ULK4: variants seen among roughly 807,000 people sequenced by gnomAD.
The protein encoded by ULK4 is inactive serine/threonine-protein kinase ULK4.
ULK4 carries 133 observed loss-of-function variants against 160.6 expected under a neutral mutation model. That is an observed-to-expected ratio of 0.83 (90% CI 0.72 to 0.96). ULK4 has a LOEUF of 0.96. Ranked by LOEUF, ULK4 falls within the 40% of genes least tolerant of loss-of-function variation. The probability of loss-of-function intolerance (pLI) is 0.00; values close to 1 mark genes in which losing one functional copy is unlikely to be tolerated. For missense variants in ULK4, 1,580 were observed against 1,499.5 expected, an observed-to-expected ratio of 1.05 and a Z score of -0.89; for synonymous variants, 534 against 539.8, an observed-to-expected ratio of 0.99 and a Z score of 0.15.
At chr3:41,387,606 G>A (rs1188477437) in intron 35 of ULK4, among the ~76,000 whole-genome samples, 1 of 152,116 alleles carries the variant, frequency 6.6e-6, no homozygotes, top group African/African-American at 2.4e-5. Flanking sequence ...TCACACCTAT[G>A]AGTGAGAATA....
chr3:41,399,870 G>C (rs1031197100), intron 34 of ULK4, among the ~76,000 whole-genome samples: 1 of 152,152 alleles, frequency 6.6e-6, no homozygotes, highest in Admixed American at 6.6e-5. Flanking sequence ...CCTCCAAAGT[G>C]CTGAGAGTAC....
chr3:41,960,397 C>T (rs558589057), intron 1 of ULK4, among the ~76,000 whole-genome samples: 53 of 150,514 alleles, frequency 3.5e-4, no homozygotes, highest in Middle Eastern at 3.4e-3. Context: ...GGGTCTCACT[C>T]AGTGGCCCAG....
At chr3:41,935,619 C>T (rs1478727816) in intron 4 of ULK4, among the ~76,000 whole-genome samples, 182 bp downstream of exon 4, 1 of 152,084 alleles carries the variant, frequency 6.6e-6, no homozygotes, top group Non-Finnish European at 1.5e-5. Flanking sequence ...CCTCAGCCTC[C>T]CAAAGTGCTA....
In ULK4 at chr3:41,455,599, G is replaced by C. The variant is rs1484520188; in HGVS notation, c.3394-4C>G. 6 of 1,613,352 alleles carry C rather than the reference G, an allele frequency of 3.7e-6. No individual in the cohort carries two copies. In the African/African-American group the frequency reaches 6.7e-5, roughly 18 times the overall value. On this transcript the variant is annotated splice_polypyrimidine_tract_variant and splice_region_variant and intron_variant, in intron 33 of 36. Transcript: ENST00000301831. ...CTCCTGAGCCAGACTTCTGGGCCTG[G>C]AACAGAGAGAAGAGAAATGAAAGAC...
intron 33 of ULK4, 50 bp downstream of exon 33, chr3:41,463,037 G>T (rs986970326): frequency 6.4e-7 from 1 of 1,564,060 alleles, no homozygotes; most frequent in African/African-American, 1.4e-5. Flanking sequence ...TGAAAGGGAA[G>T]CATGAAATGG....
intron 2 of ULK4, among the ~76,000 whole-genome samples, chr3:41,953,285 C>CACATATATATAT (rs374288098): frequency 0.071 from 5,984 of 84,468 alleles, 284 homozygotes; most frequent in Admixed American, 0.11. Context: ...CATATATACA[C>CACATATATATAT]ATATATATAT....
At chr3:41,379,957 T>A (rs1234645359) in intron 35 of ULK4, among the ~76,000 whole-genome samples, 1 of 152,160 alleles carries the variant, frequency 6.6e-6, no homozygotes, top group African/African-American at 2.4e-5. Context: ...AGCCCAAGTC[T>A]TTAGGGGCAT....
chr3:41,771,775 G>A, intron 21 of ULK4, among the ~76,000 whole-genome samples: 1 of 152,096 alleles, frequency 6.6e-6, no homozygotes, highest in East Asian at 1.9e-4. Flanking sequence ...AAACATTATA[G>A]CAACTCAAGT....
chr3:41,471,540 T>C (rs964542420), intron 32 of ULK4, among the ~76,000 whole-genome samples: 10 of 152,116 alleles, frequency 6.6e-5, no homozygotes, highest in South Asian at 2.1e-4. Context: ...CAACAAAATA[T>C]ACAATCTTCT....
intron 21 of ULK4, among the ~76,000 whole-genome samples, chr3:41,772,940 C>T (rs1304760729): frequency 6.6e-6 from 1 of 152,162 alleles, no homozygotes; most frequent in Non-Finnish European, 1.5e-5. Flanking sequence ...CAACATAATC[C>T]AGCATATAAA....
At chr3:41,278,956 T>A (rs1300838129) in intron 35 of ULK4, among the ~76,000 whole-genome samples, 1 of 152,098 alleles carries the variant, frequency 6.6e-6, no homozygotes, top group Non-Finnish European at 1.5e-5. Context: ...GTTTGACAAG[T>A]TGACAGAAGT....
At chr3:41,785,327 A>G (rs1009746748) in intron 21 of ULK4, among the ~76,000 whole-genome samples, 1 of 152,204 alleles carries the variant, frequency 6.6e-6, no homozygotes, top group African/African-American at 2.4e-5. Context: ...AATCAACACA[A>G]TTTTATTTTA....
chr3:41,685,217 G>A (rs770984610), intron 27 of ULK4, among the ~76,000 whole-genome samples: 2 of 152,160 alleles, frequency 1.3e-5, no homozygotes, highest in Non-Finnish European at 2.9e-5. Flanking sequence ...TGCCCTAAAA[G>A]GTTAGGCAAG....
chr3:41,651,469 C>A (rs1246763216), intron 30 of ULK4, among the ~76,000 whole-genome samples: 1 of 152,058 alleles, frequency 6.6e-6, no homozygotes, highest in Non-Finnish European at 1.5e-5. Context: ...TAGTATATAC[C>A]TCCATCCAAT....
intron 6 of ULK4, among the ~76,000 whole-genome samples, chr3:41,919,149 C>A (rs928987984): frequency 3.9e-5 from 6 of 152,200 alleles, no homozygotes; most frequent in African/African-American, 1.4e-4. Context: ...GGCATCTTTA[C>A]AAAAATTTCT....
chr3:41,456,402 T>A (rs2083554661), intron 33 of ULK4, among the ~76,000 whole-genome samples: 1 of 151,744 alleles, frequency 6.6e-6, no homozygotes, highest in African/African-American at 2.4e-5. Flanking sequence ...CCAAGTGCAT[T>A]CTGCTATGCT....
intron 17 of ULK4, among the ~76,000 whole-genome samples, chr3:41,843,917 A>G (rs1247091443): frequency 3.3e-5 from 5 of 152,102 alleles, no homozygotes; most frequent in African/African-American, 1.2e-4. Flanking sequence ...CCACTAGATT[A>G]GCTAGATACA....
intron 32 of ULK4, among the ~76,000 whole-genome samples, chr3:41,483,357 A>G (rs1392458385): frequency 2.6e-5 from 4 of 152,096 alleles, no homozygotes; most frequent in African/African-American, 9.7e-5. Context: ...TTTAGGCATT[A>G]TCTACTGACT....
intron 32 of ULK4, among the ~76,000 whole-genome samples, chr3:41,548,951 G>A (rs1402124294): frequency 6.6e-6 from 1 of 152,126 alleles, no homozygotes; most frequent in African/African-American, 2.4e-5. Flanking sequence ...TGCAGCCAAA[G>A]AAATCATAAA....
Sources: allele counts gnomAD v4.1 joint callset (sites outside exome capture counted in the v4.1 genomes callset), GRCh38; gene constraint gnomAD v4.1.1; transcripts MANE v1.5; gene names NCBI Gene and HGNC (gene_info 2026-07-23, HGNC 2026-07-21).